Variants in ST18 observed in about 807,000 individuals in gnomAD.
ST18 encodes the protein suppression of tumorigenicity 18 protein.
ST18 carries 50 observed loss-of-function variants against 110.0 expected under a neutral mutation model. That is an observed-to-expected ratio of 0.45 (90% CI 0.36 to 0.58). The LOEUF (loss-of-function observed/expected upper bound fraction) is 0.58. ST18 is among the 20% of genes least tolerant of loss of function. The pLI, the probability that ST18 is intolerant of heterozygous loss-of-function variation, is 0.00. For missense variants in ST18, 1,306 were observed against 1,280.1 expected, an observed-to-expected ratio of 1.02 and a Z score of -0.31; for synonymous variants, 461 against 452.4, an observed-to-expected ratio of 1.02 and a Z score of -0.24.
chr8:52,359,569 C>T (rs1462319002), intron 2 of ST18, among the ~76,000 whole-genome samples: 1 of 152,072 alleles, frequency 6.6e-6, no homozygotes, highest in South Asian at 2.1e-4. Context: ...CTCATCAGAA[C>T]TTTCCAATGA....
intron 23 of ST18, among the ~76,000 whole-genome samples, chr8:52,122,022 T>C (rs1014317990): frequency 6.6e-6 from 1 of 152,102 alleles, no homozygotes; most frequent in Non-Finnish European, 1.5e-5. Context: ...ATTTTTTTAT[T>C]TTTAGTAAAG....
intron 7 of ST18, 84 bp downstream of exon 7, chr8:52,214,119 C>T: frequency 7.1e-7 from 1 of 1,406,474 alleles, no homozygotes; most frequent in South Asian, 1.2e-5. Flanking sequence ...ATCATTCTGA[C>T]TGCACACGAG....
intron 2 of ST18, among the ~76,000 whole-genome samples, chr8:52,239,798 C>T (rs1055077992): frequency 6.6e-6 from 1 of 151,942 alleles, no homozygotes; most frequent in African/African-American, 2.4e-5. Context: ...TTTCCCAACC[C>T]CAAACCCCTT....
chr8:52,163,047 A>T (rs1043573320), intron 13 of ST18, among the ~76,000 whole-genome samples: 11 of 152,230 alleles, frequency 7.2e-5, no homozygotes, highest in African/African-American at 2.7e-4. Context: ...AATGAAATTC[A>T]ATATTCTTTC....
At chr8:52,361,488 C>T (rs1410532296) in intron 2 of ST18, among the ~76,000 whole-genome samples, 1 of 152,172 alleles carries the variant, frequency 6.6e-6, no homozygotes, top group African/African-American at 2.4e-5. Flanking sequence ...GATCAGTTCA[C>T]TCATTGCCAA....
At chr8:52,189,560 G>C (rs1371937613) in intron 8 of ST18, among the ~76,000 whole-genome samples, 2 of 152,204 alleles carry the variant, frequency 1.3e-5, no homozygotes, top group Non-Finnish European at 2.9e-5. Flanking sequence ...TCAGAACCCA[G>C]TGATTGAAAG....
chr8:52,280,086 G>A (rs1454288085), intron 2 of ST18, among the ~76,000 whole-genome samples: 1 of 152,120 alleles, frequency 6.6e-6, no homozygotes, highest in Non-Finnish European at 1.5e-5. Context: ...CTGTTTAAGA[G>A]AATGGAGAAG....
At chr8:52,120,014 A>G (rs1377461340) in intron 23 of ST18, among the ~76,000 whole-genome samples, 1 of 152,176 alleles carries the variant, frequency 6.6e-6, no homozygotes, top group African/African-American at 2.4e-5. Flanking sequence ...TACTAAGAAA[A>G]CAACCAACAG....
At chr8:52,353,655 C>G (rs1451620531) in intron 2 of ST18, among the ~76,000 whole-genome samples, 1 of 151,922 alleles carries the variant, frequency 6.6e-6, no homozygotes, top group Non-Finnish European at 1.5e-5. Context: ...AAGCATGTGC[C>G]AAAGAAGAAC....
intron 2 of ST18, among the ~76,000 whole-genome samples, chr8:52,271,837 G>T (rs1305925239): frequency 6.6e-6 from 1 of 152,200 alleles, no homozygotes; most frequent in Non-Finnish European, 1.5e-5. Flanking sequence ...TACTGGTGCT[G>T]CAAGTAACTT....
chr8:52,164,197 T>G, intron 12 of ST18, 107 bp from the exon 13 acceptor site: 1 of 933,474 alleles, frequency 1.1e-6, no homozygotes, highest in Non-Finnish European at 1.7e-6. Flanking sequence ...TTAAGTCATA[T>G]TAATAGTTCA....
chr8:52,349,764 C>T (rs1020135603), intron 2 of ST18, among the ~76,000 whole-genome samples: 6 of 151,910 alleles, frequency 3.9e-5, no homozygotes, highest in South Asian at 2.1e-4. Context: ...ACGCTCAAGC[C>T]GGGTAATGTG....
chr8:52,335,320 T>C (rs1267215550), intron 2 of ST18, among the ~76,000 whole-genome samples: 1 of 151,340 alleles, frequency 6.6e-6, no homozygotes, highest in African/African-American at 2.5e-5. Flanking sequence ...CCTTGACATC[T>C]CCCTCCCTCT....
At chr8:52,353,474 C>T (rs1163165094) in intron 2 of ST18, among the ~76,000 whole-genome samples, 1 of 152,132 alleles carries the variant, frequency 6.6e-6, no homozygotes, top group Non-Finnish European at 1.5e-5. Flanking sequence ...GAAAGTGTTG[C>T]CTTTGCTGCC....
chr8:52,387,353 T>C (rs900881004), intron 2 of ST18, among the ~76,000 whole-genome samples: 4 of 152,150 alleles, frequency 2.6e-5, no homozygotes, highest in Non-Finnish European at 4.4e-5. Context: ...GGCAAAAGGA[T>C]TTCAAAAAGA....
At chr8:52,403,619 A>G (rs895936923) in intron 2 of ST18, 2 of 152,112 alleles carry the variant, frequency 1.3e-5, no homozygotes, top group Non-Finnish European at 2.9e-5. Context: ...GTATGAGCCC[A>G]TACTTAGTGT....
chr8:52,309,520 C>CAAAAAAAAAAAAAAAAA, intron 2 of ST18, among the ~76,000 whole-genome samples: 1 of 37,768 alleles, frequency 2.6e-5, no homozygotes, highest in East Asian at 8.8e-4. Context: ...GACTCCATCT[C>CAAAAAAAAAAAAAAAAA]AAAAAAAAAA....
At position 52,172,199 on chromosome 8, in the gene ST18, T is replaced by G; in HGVS notation, c.662A>C (p.Tyr221Ser). ...GTCTTTTTTATGATCTGTTAAAACA[T>G]ACTTTGGGACTCTAGGTGGTTTGGT... ...EETKPPRVPK[Y>S]VLTDHKKDLL... The change falls in exon 10 of 26, where the codon TAT (tyrosine) becomes TCT (serine). Residue 221 changes from tyrosine to serine, a missense_variant. Tyr to Ser is a moderately radical substitution (Grantham distance 144). Coordinates refer to ENST00000689386, the MANE Select transcript of ST18 (RefSeq NM_001352837.2). The G allele has an allele frequency of 6.2e-7, 1 of 1,614,212 alleles. No individual in the cohort carries two copies. Among genetic ancestry groups the G allele is most frequent in the South Asian group, 1.1e-5 (1 of 91,088 alleles).
intron 2 of ST18, among the ~76,000 whole-genome samples, chr8:52,326,219 T>C (rs1353757770): frequency 6.6e-6 from 1 of 152,168 alleles, no homozygotes; most frequent in African/African-American, 2.4e-5. Context: ...GATCTTACCA[T>C]GGAGTCTCAT....
Sources: allele counts gnomAD v4.1 joint callset (sites outside exome capture counted in the v4.1 genomes callset), GRCh38; gene constraint gnomAD v4.1.1; transcripts MANE v1.5; gene names NCBI Gene and HGNC (gene_info 2026-07-23, HGNC 2026-07-21).